Variants in SORCS3 observed in about 807,000 individuals in gnomAD.
SORCS3 encodes the protein VPS10 domain-containing receptor SorCS3.
SORCS3 carries 57 observed loss-of-function variants against 146.3 expected under a neutral mutation model. The observed-to-expected ratio is 0.39, with a 90% CI of 0.31 to 0.49. The LOEUF (loss-of-function observed/expected upper bound fraction) is 0.49, where lower values mean the gene tolerates loss of function less well. Among genes scored for constraint, SORCS3 ranks in the 20% least tolerant of loss-of-function variants. SORCS3 has a pLI of 0.92. For synonymous variants in SORCS3, 653 were observed against 618.5 expected (o/e 1.06, Z -0.83); for missense variants, 1,341 against 1,575.5 (o/e 0.85, Z 2.52).
intron 1 of SORCS3, among the ~76,000 whole-genome samples, chr10:104,651,783 T>C (rs2015563567): frequency 6.6e-6 from 1 of 152,156 alleles, no homozygotes; most frequent in African/African-American, 2.4e-5. Flanking sequence ...GTTCCTTTGC[T>C]CTGCATGCTG....
chr10:104,835,935 C>T (rs1396231014), intron 1 of SORCS3, among the ~76,000 whole-genome samples: 1 of 152,138 alleles, frequency 6.6e-6, no homozygotes, highest in African/African-American at 2.4e-5. Context: ...TGTACCATTA[C>T]CCCATTTTAG....
At chr10:105,009,439 TC>T (rs2055117288) in intron 4 of SORCS3, among the ~76,000 whole-genome samples, 1 of 150,660 alleles carries the variant, frequency 6.6e-6, no homozygotes, top group African/African-American at 2.5e-5. Context: ...GAAAAGGTAT[TC>T]AGGAGATACA....
rs1300751096 is a variant in SORCS3, at chr10:105,211,258, A to C, written c.2375+8A>C. 5.0e-6 allele frequency: 8 copies of C among 1,589,328 alleles called. No individual in the cohort carries two copies. Among genetic ancestry groups the C allele is most frequent in the Middle Eastern group, 1.7e-4 (1 of 6,030 alleles). ...CTACCTTAACAGCACTGGGTAAGTAAAACACCTACAGGAACTCAGCTCCCT... is the reference window on the plus strand; with the variant it reads ...CTACCTTAACAGCACTGGGTAAGTACAACACCTACAGGAACTCAGCTCCCT... On this transcript the variant is annotated splice_region_variant and intron_variant, in intron 17 of 26. Coordinates refer to ENST00000369701, the MANE Select transcript of SORCS3 (RefSeq NM_014978.3).
chr10:104,695,060 C>T (rs2016158573), intron 1 of SORCS3, among the ~76,000 whole-genome samples: 1 of 152,058 alleles, frequency 6.6e-6, no homozygotes, highest in Non-Finnish European at 1.5e-5. Context: ...TGAAGGAAGC[C>T]CTCGTGTCGA....
intron 1 of SORCS3, chr10:104,822,159 T>C: frequency 2.0e-6 from 1 of 508,376 alleles, no homozygotes; most frequent in Non-Finnish European, 3.9e-6. Flanking sequence ...TCTGTATCTG[T>C]ATCTGACAGT....
chr10:104,952,260 A>G (rs1453010598), intron 3 of SORCS3, among the ~76,000 whole-genome samples: 3 of 85,148 alleles, frequency 3.5e-5, no homozygotes, highest in African/African-American at 3.2e-4. Context: ...TGTTTGAAAA[A>G]AAAAAAAAAA....
At chr10:104,781,145 C>T (rs2133492140) in intron 1 of SORCS3, among the ~76,000 whole-genome samples, 1 of 152,330 alleles carries the variant, frequency 6.6e-6, no homozygotes, top group Non-Finnish European at 1.5e-5. Flanking sequence ...TGATATCTGA[C>T]ATCTGCAGAA....
intron 1 of SORCS3, among the ~76,000 whole-genome samples, chr10:104,710,742 T>C (rs1017638980): frequency 5.3e-5 from 8 of 151,632 alleles, no homozygotes; most frequent in Non-Finnish European, 1.2e-4. Flanking sequence ...TTGTGGCTCA[T>C]AGGAGCTTTC....
At chr10:104,795,410 A>G (rs74155038) in intron 1 of SORCS3, among the ~76,000 whole-genome samples, 2 of 152,370 alleles carry the variant, frequency 1.3e-5, no homozygotes, top group African/African-American at 2.4e-5. Context: ...CCTTTAATCT[A>G]CATAGTATTT....
At chr10:104,770,336 T>C (rs1251918358) in intron 1 of SORCS3, among the ~76,000 whole-genome samples, 1 of 152,092 alleles carries the variant, frequency 6.6e-6, no homozygotes, top group African/African-American at 2.4e-5. Flanking sequence ...CAGAATTGAG[T>C]GTGGGACTTT....
intron 2 of SORCS3, among the ~76,000 whole-genome samples, chr10:104,890,031 A>C (rs577131748): frequency 6.6e-6 from 1 of 152,258 alleles, no homozygotes; most frequent in Non-Finnish European, 1.5e-5. Flanking sequence ...GTTTCTATAA[A>C]ATAATCTTCT....
intron 1 of SORCS3, among the ~76,000 whole-genome samples, chr10:104,709,537 CA>C (rs2016387810): frequency 6.6e-6 from 1 of 152,186 alleles, no homozygotes; most frequent in Non-Finnish European, 1.5e-5. Flanking sequence ...CTGTACTGAG[CA>C]CCTACTCTGC....
Position 104,850,291 on chromosome 10 carries a change from C to G in SORCS3, c.695+7432C>G, listed in dbSNP as rs1341771772. 2.0e-5 allele frequency among the ~76,000 whole-genome samples: 3 copies of G among 152,296 alleles called. No individual in the cohort carries two copies. In the East Asian group the frequency reaches 5.8e-4, roughly 29 times the overall value. ...GTCATTACTCAGGAATTTATTATTT[C>G]AAAAGCTTCAGCCAGGTGCGGTGAC... On this transcript the variant is annotated intron_variant, in intron 2 of 26. Coordinates refer to ENST00000369701, the MANE Select transcript of SORCS3 (RefSeq NM_014978.3).
At chr10:104,776,742 T>C (rs1011634505) in intron 1 of SORCS3, among the ~76,000 whole-genome samples, 1 of 151,538 alleles carries the variant, frequency 6.6e-6, no homozygotes, top group African/African-American at 2.4e-5. Flanking sequence ...CCAAGATCGC[T>C]GTATCAGCTC....
chr10:105,145,628 C>T (rs999051182), intron 8 of SORCS3, among the ~76,000 whole-genome samples: 3 of 152,146 alleles, frequency 2.0e-5, no homozygotes, highest in African/African-American at 7.2e-5. Context: ...GATTTCCCCT[C>T]CTACTGGGTT....
intron 1 of SORCS3, among the ~76,000 whole-genome samples, chr10:104,747,406 T>C (rs1418144387): frequency 6.6e-6 from 1 of 152,168 alleles, no homozygotes; most frequent in African/African-American, 2.4e-5. Context: ...ATGTTGAGAA[T>C]GCTTCTCAGC....
intron 3 of SORCS3, among the ~76,000 whole-genome samples, chr10:104,966,500 T>C (rs2054827049): frequency 6.6e-6 from 1 of 152,212 alleles, no homozygotes; most frequent in South Asian, 2.1e-4. Flanking sequence ...TTTCTTTTTT[T>C]ATATTTAGAG....
intron 1 of SORCS3, among the ~76,000 whole-genome samples, chr10:104,839,569 A>G (rs2018113640): frequency 6.6e-6 from 1 of 152,192 alleles, no homozygotes; most frequent in Non-Finnish European, 1.5e-5. Context: ...CATGGGCCAG[A>G]TTGTGGAGTC....
chr10:104,783,981 T>C (rs2017404074), intron 1 of SORCS3, among the ~76,000 whole-genome samples: 1 of 152,252 alleles, frequency 6.6e-6, no homozygotes, highest in Non-Finnish European at 1.5e-5. Flanking sequence ...GGGAAAATAC[T>C]GTGTATTATG....
Sources: gnomAD v4.1 joint callset for allele counts (sites outside exome capture counted in the v4.1 genomes callset) on GRCh38, gnomAD v4.1.1 for gene constraint, MANE v1.5 for transcripts, NCBI Gene and HGNC (gene_info 2026-07-23, HGNC 2026-07-21) for gene names.